GLI3: variants seen among roughly 807,000 people sequenced by gnomAD.
The protein encoded by GLI3 is GLI family zinc finger 3.
In GLI3, 20 loss-of-function variants were observed where a neutral mutation model predicts 100.8. The ratio of observed to expected loss-of-function variants is 0.20; its 90% confidence interval spans 0.14 to 0.29. GLI3 has a LOEUF of 0.29. GLI3 is among the 10% of genes least tolerant of loss of function. GLI3 has a pLI of 1.00. For synonymous variants in GLI3, 938 were observed against 860.5 expected (o/e 1.09, Z -1.58); for missense variants, 2,040 against 2,128.5 (o/e 0.96, Z 0.82).
chr7:42,185,331 C>G (rs1485736668), intron 2 of GLI3, among the ~76,000 whole-genome samples: 3 of 152,168 alleles, frequency 2.0e-5, no homozygotes, highest in Admixed American at 6.5e-5. Flanking sequence ...CCTAAAAGAC[C>G]GCTTCCTTCT....
At chr7:42,187,227 C>A (rs1014175587) in intron 2 of GLI3, among the ~76,000 whole-genome samples, 25 of 139,102 alleles carry the variant, frequency 1.8e-4, no homozygotes, top group Admixed American at 1.2e-3. Flanking sequence ...AAAAAAAAAA[C>A]ATGAAGAAGA....
chr7:42,033,405 T>C (rs150781916), intron 7 of GLI3, among the ~76,000 whole-genome samples: 334 of 152,354 alleles, frequency 2.2e-3, no homozygotes, highest in African/African-American at 7.3e-3. Flanking sequence ...GTCAGGGCAC[T>C]GGAATTAAGA....
At chr7:42,222,114 A>G (rs1434042970) in intron 2 of GLI3, among the ~76,000 whole-genome samples, 3 of 152,216 alleles carry the variant, frequency 2.0e-5, no homozygotes, top group Admixed American at 1.3e-4. Context: ...GCTTGGAAGT[A>G]TATGCCCTTA....
At chr7:42,253,058 T>C (rs1789050074) in intron 1 of GLI3, among the ~76,000 whole-genome samples, 1 of 151,954 alleles carries the variant, frequency 6.6e-6, no homozygotes, top group African/African-American at 2.4e-5. Flanking sequence ...TTCAAGATAA[T>C]GGTGGAGCTT....
rs3057272 is a variant in GLI3 at position 42,246,612 on chromosome 7, A to AAAAACAAAAC, written c.-43+17372_-43+17381dup. Among the ~76,000 whole-genome samples the AAAAACAAAAC allele has an allele frequency of 1.6e-3, 243 of 150,034 alleles. 1 individual carries two copies. Among genetic ancestry groups the AAAAACAAAAC allele is most frequent in the South Asian group, 4.4e-3 (21 of 4,720 alleles). ...TAAAAGAGCAGAACTGTACATACAGAAAAACAAAACAAAACAAAACAAAAC... is the reference window on the plus strand; with the variant it reads ...TAAAAGAGCAGAACTGTACATACAGAAAAACAAAACAAAACAAAACAAAACAAAACAAAAC... On this transcript the variant is annotated intron_variant, in intron 1 of 2. Coordinates refer to the GLI3 transcript ENST00000678978.
At chr7:42,223,708 G>A (rs1036594356) in intron 1 of GLI3, among the ~76,000 whole-genome samples, 1 of 152,144 alleles carries the variant, frequency 6.6e-6, no homozygotes, top group African/African-American at 2.4e-5. Context: ...AGGGAGGGAA[G>A]GTTTTTAATT....
At chr7:42,232,303 A>G (rs1332917042) in intron 1 of GLI3, among the ~76,000 whole-genome samples, 1 of 152,248 alleles carries the variant, frequency 6.6e-6, no homozygotes, top group African/African-American at 2.4e-5. Context: ...GGAGCTTTAA[A>G]AGAAAGCAAG....
rs574739349 is a variant in GLI3, at chr7:41,993,969, C to T, written c.1498-15221G>A. On this transcript the variant is annotated intron_variant, in intron 10 of 14. Transcript: ENST00000395925. ...TAATTCAGAGTTATCTTAGTTGGCT[C>T]CTATTTGTTATAAATGAAAAGAATT... is the stretch of plus-strand genomic sequence containing the variant. 1.2e-4 allele frequency among the ~76,000 whole-genome samples: 19 copies of T among 152,192 alleles called. No individual in the cohort carries two copies. The South Asian group carries it at 3.9e-3, about 32-fold the overall frequency.
intron 11 of GLI3, 66 bp from the exon 12 acceptor site, chr7:41,977,788 C>A: frequency 7.1e-7 from 1 of 1,407,866 alleles, no homozygotes; most frequent in Non-Finnish European, 1.0e-6. Flanking sequence ...CCTAACACGC[C>A]CTCCAAGTTG....
intron 3 of GLI3, among the ~76,000 whole-genome samples, chr7:42,097,778 C>G (rs1785372317): frequency 6.6e-6 from 1 of 152,170 alleles, no homozygotes; most frequent in Admixed American, 6.5e-5. Context: ...ACGTTCCTCT[C>G]CATGACAACC....
intron 1 of GLI3, among the ~76,000 whole-genome samples, chr7:42,224,334 A>C (rs1788544923): frequency 6.6e-6 from 1 of 152,258 alleles, no homozygotes; most frequent in Non-Finnish European, 1.5e-5. Context: ...AGTGAAATGA[A>C]ATAAGCAACT....
intron 10 of GLI3, among the ~76,000 whole-genome samples, chr7:41,979,298 G>C (rs949230217): frequency 6.6e-6 from 1 of 152,334 alleles, no homozygotes; most frequent in East Asian, 1.9e-4. Flanking sequence ...GGGTTAATCA[G>C]ACTGCTTCCT....
At chr7:42,056,826 T>A (rs1035526236) in intron 4 of GLI3, among the ~76,000 whole-genome samples, 3 of 150,758 alleles carry the variant, frequency 2.0e-5, no homozygotes, top group African/African-American at 2.4e-5. Context: ...AATAAATAAA[T>A]AAAAAATTAG....
At chr7:41,992,069 G>A (rs1334968049) in intron 10 of GLI3, among the ~76,000 whole-genome samples, 1 of 152,148 alleles carries the variant, frequency 6.6e-6, no homozygotes, top group East Asian at 1.9e-4. Context: ...TTTTAAGCAG[G>A]GCAATGATCA....
At chr7:42,127,705 C>G (rs1786168033) in intron 3 of GLI3, among the ~76,000 whole-genome samples, 1 of 152,156 alleles carries the variant, frequency 6.6e-6, no homozygotes, top group Non-Finnish European at 1.5e-5. Context: ...TTAAAATGAA[C>G]CATGTTAAGA....
chr7:42,088,297 C>T lies in GLI3; in HGVS notation c.368-11440G>A, dbSNP rs575399529. ...CTTTGCAGCTACCTCATACTCATTG[C>T]TGGATGTGCAGATAAAAAGCCCCAC... On this transcript the variant is annotated intron_variant, in intron 3 of 14. Coordinates refer to ENST00000395925, the MANE Select transcript of GLI3 (RefSeq NM_000168.6). Among the ~76,000 whole-genome samples, 4 of 152,290 alleles carry T rather than the reference C, an allele frequency of 2.6e-5. No individual in the cohort carries two copies. The South Asian group carries it at 8.3e-4, about 32-fold the overall frequency.
intron 10 of GLI3, among the ~76,000 whole-genome samples, chr7:41,999,081 TC>T (rs1788212506): frequency 6.6e-6 from 1 of 152,198 alleles, no homozygotes; most frequent in African/African-American, 2.4e-5. Flanking sequence ...GAATGGAGTT[TC>T]CTGTTGAAGA....
In GLI3 at chr7:42,177,112, G is replaced by A. The variant is rs143099194; in HGVS notation, c.125-28644C>T. ...GACGCTCCAGTGATAGGGACACTCCGTCCTTCCCTTGAGAGCTTACATGTC... is the reference window on the plus strand; with the variant it reads ...GACGCTCCAGTGATAGGGACACTCCATCCTTCCCTTGAGAGCTTACATGTC... On this transcript the variant is annotated intron_variant, in intron 2 of 14. Transcript: ENST00000395925. Among the ~76,000 whole-genome samples the A allele has an allele frequency of 6.6e-3, 1,000 of 152,222 alleles. 14 individuals are homozygous for A. The highest frequency in any genetic ancestry group is 0.023 in the African/African-American group (952 of 41,522).
Position 42,114,547 on chromosome 7 carries a change from G to A in GLI3, c.367+33679C>T, listed in dbSNP as rs76484839. 3.1e-3 allele frequency among the ~76,000 whole-genome samples: 476 copies of A among 152,294 alleles called. 1 individual carries two copies. The highest frequency in any genetic ancestry group is 0.015 in the South Asian group (71 of 4,820). ...TTAGGAAAAAGAAATGTGTCCTTCA[G>A]TCACTGCTAAGTGACACATCCGCAC... On this transcript the variant is annotated intron_variant, in intron 3 of 14. Transcript: ENST00000395925.
Sources: allele counts gnomAD v4.1 joint callset (sites outside exome capture counted in the v4.1 genomes callset), GRCh38; gene constraint gnomAD v4.1.1; transcripts MANE v1.5; gene names NCBI Gene and HGNC (gene_info 2026-07-23, HGNC 2026-07-21).